Variants in NRG3 observed in about 807,000 individuals in gnomAD.
NRG3 encodes the protein neuregulin 3.
A neutral mutation model predicts 66.9 loss-of-function variants in NRG3; 31 were observed. That is an observed-to-expected ratio of 0.46 (90% CI 0.35 to 0.63). The LOEUF is 0.63. Ranked by LOEUF, NRG3 falls within the 20% of genes least tolerant of loss-of-function variation. The pLI is 0.00. For synonymous variants in NRG3, 393 were observed against 359.4 expected (o/e 1.09, Z -1.06); for missense variants, 910 against 878.9 (o/e 1.04, Z -0.45).
chr10:82,194,832 G>A (rs939943549), intron 1 of NRG3, among the ~76,000 whole-genome samples: 6 of 152,088 alleles, frequency 3.9e-5, no homozygotes, highest in East Asian at 1.9e-4. Flanking sequence ...GAAAGACCTC[G>A]TATCAAGAAA....
intron 2 of NRG3, among the ~76,000 whole-genome samples, chr10:82,605,624 T>A (rs1309254054): frequency 6.6e-6 from 1 of 152,070 alleles, no homozygotes; most frequent in East Asian, 1.9e-4. Flanking sequence ...GCTTCTACTT[T>A]TTGAAAAATA....
At chr10:82,460,555 C>A (rs746782636) in intron 2 of NRG3, among the ~76,000 whole-genome samples, 1 of 152,184 alleles carries the variant, frequency 6.6e-6, no homozygotes, top group Non-Finnish European at 1.5e-5. Flanking sequence ...ACTCTCTATT[C>A]ATTTCGGTGC....
chr10:82,513,487 G>T (rs1845383029), intron 2 of NRG3, among the ~76,000 whole-genome samples: 1 of 152,238 alleles, frequency 6.6e-6, no homozygotes, highest in Non-Finnish European at 1.5e-5. Flanking sequence ...GGATTCCTGG[G>T]TCAAATGTTA....
intron 4 of NRG3, among the ~76,000 whole-genome samples, chr10:82,902,596 G>A (rs191543553): frequency 1.8e-4 from 27 of 152,014 alleles, no homozygotes; most frequent in African/African-American, 5.8e-4. Context: ...AATCTTCAGG[G>A]CCTAATAACT....
Position 82,945,004 on chromosome 10 carries a change from A to G in NRG3, c.1055-6465A>G, listed in dbSNP as rs533693841. Among the ~76,000 whole-genome samples the G allele has an allele frequency of 3.9e-5, 6 of 152,298 alleles. No individual in the cohort carries two copies. The South Asian group carries it at 1.0e-3, about 26-fold the overall frequency. On this transcript the variant is annotated intron_variant, in intron 4 of 8. Transcript: ENST00000372141. ...AAGTACTGCAAGTACCTTTACTGGTAGAGAAACACCACAAGTCCCCATGGA... is the reference window on the plus strand; with the variant it reads ...AAGTACTGCAAGTACCTTTACTGGTGGAGAAACACCACAAGTCCCCATGGA...
chr10:82,547,895 C>T (rs2044033877), intron 2 of NRG3, among the ~76,000 whole-genome samples: 1 of 152,010 alleles, frequency 6.6e-6, no homozygotes, highest in African/African-American at 2.4e-5. Context: ...AATGGGGTTG[C>T]ACTTTGAGTG....
At chr10:81,910,764 A>T (rs1845059584) in intron 1 of NRG3, among the ~76,000 whole-genome samples, 1 of 151,958 alleles carries the variant, frequency 6.6e-6, no homozygotes. Flanking sequence ...CCTTCCACCT[A>T]TGTCTGTCTC....
At chr10:82,869,406 A>T in intron 4 of NRG3, among the ~76,000 whole-genome samples, 1 of 152,080 alleles carries the variant, frequency 6.6e-6, no homozygotes, top group East Asian at 1.9e-4. Context: ...CAAAGTTTAC[A>T]TTATGGTTCA....
intron 2 of NRG3, among the ~76,000 whole-genome samples, chr10:82,488,685 G>T (rs1416165968): frequency 6.6e-6 from 1 of 152,088 alleles, no homozygotes; most frequent in Non-Finnish European, 1.5e-5. Flanking sequence ...TGAGGGTGGG[G>T]TTATTCACTC....
chr10:82,302,959 A>G (rs759117044), intron 1 of NRG3, among the ~76,000 whole-genome samples: 2 of 152,202 alleles, frequency 1.3e-5, no homozygotes, highest in Admixed American at 1.3e-4. Flanking sequence ...TATCTGTTCA[A>G]TGAAACATGT....
chr10:82,323,569 G>A (rs2081698717), intron 1 of NRG3, among the ~76,000 whole-genome samples: 1 of 150,606 alleles, frequency 6.6e-6, no homozygotes, highest in Non-Finnish European at 1.5e-5. Flanking sequence ...ACACTTGTAT[G>A]TAATATTCTT....
intron 1 of NRG3, among the ~76,000 whole-genome samples, chr10:81,952,683 G>A (rs1301949780): frequency 1.3e-5 from 2 of 152,032 alleles, no homozygotes; most frequent in Non-Finnish European, 2.9e-5. Flanking sequence ...TAGCTGAATG[G>A]AGCCTTGAAC....
At chr10:82,779,742 T>C (rs931483395) in intron 3 of NRG3, among the ~76,000 whole-genome samples, 7 of 152,114 alleles carry the variant, frequency 4.6e-5, no homozygotes, top group African/African-American at 7.2e-5. Context: ...TTTTTTATTA[T>C]ACTTTAAGTT....
intron 2 of NRG3, among the ~76,000 whole-genome samples, chr10:82,538,728 G>T (rs895208028): frequency 1.3e-5 from 2 of 152,044 alleles, no homozygotes; most frequent in Admixed American, 6.5e-5. Flanking sequence ...TTCTCACAAG[G>T]TTCTGCTAAC....
chr10:82,594,675 A>C (rs918742650), intron 2 of NRG3, among the ~76,000 whole-genome samples: 1 of 152,164 alleles, frequency 6.6e-6, no homozygotes, highest in African/African-American at 2.4e-5. Context: ...ATTATTTCCT[A>C]CATCTAGCAA....
Position 82,985,711 on chromosome 10 carries a change from G to T in NRG3, c.*106G>T, listed in dbSNP as rs41293054. On this transcript the variant is annotated 3_prime_UTR_variant, in exon 9 of 9. Transcript: ENST00000372141. ...TTAATTTAAGAGCATCTACTTAGAA[G>T]AAACCAAATAGTCTATCGCCCTCAT... 18 of 1,226,530 alleles carry T rather than the reference G, an allele frequency of 1.5e-5. No homozygotes were observed. The highest frequency in any genetic ancestry group is 3.0e-5 in the African/African-American group (2 of 66,028). The allele number at this position is 1,226,530 out of a possible 1,614,324, so 76.0% of individuals were successfully genotyped here.
chr10:82,619,088 T>G (rs547114708), intron 2 of NRG3, among the ~76,000 whole-genome samples: 1 of 152,278 alleles, frequency 6.6e-6, no homozygotes, highest in African/African-American at 2.4e-5. Flanking sequence ...TCTATCATGT[T>G]GGGCCAAAGT....
chr10:82,391,038 A>G (rs1207594615), intron 2 of NRG3, among the ~76,000 whole-genome samples: 1 of 152,220 alleles, frequency 6.6e-6, no homozygotes, highest in Non-Finnish European at 1.5e-5. Flanking sequence ...GTGTCTATGT[A>G]ATTACTAAAC....
At chr10:82,643,168 A>G (rs1465710633) in intron 2 of NRG3, among the ~76,000 whole-genome samples, 1 of 152,102 alleles carries the variant, frequency 6.6e-6, no homozygotes, top group Non-Finnish European at 1.5e-5. Context: ...TCCAAATCTC[A>G]TCTTGTAGCT....
Sources: gnomAD v4.1 joint callset for allele counts (sites outside exome capture counted in the v4.1 genomes callset) on GRCh38, gnomAD v4.1.1 for gene constraint, MANE v1.5 for transcripts, NCBI Gene and HGNC (gene_info 2026-07-23, HGNC 2026-07-21) for gene names.